FOXO1: variants seen among roughly 807,000 people sequenced by gnomAD.
FOXO1 encodes forkhead box O1.
Under a neutral mutation model 44.1 loss-of-function variants are expected in FOXO1, and 6 were observed. That is an observed-to-expected ratio of 0.14 (90% CI 0.07 to 0.27). The LOEUF (loss-of-function observed/expected upper bound fraction) is 0.27. FOXO1 is among the 10% of genes least tolerant of loss of function. FOXO1 has a pLI of 1.00. For synonymous variants in FOXO1, 380 were observed against 362.7 expected (o/e 1.05, Z -0.54); for missense variants, 737 against 888.8 (o/e 0.83, Z 2.17).
intron 1 of FOXO1, among the ~76,000 whole-genome samples, chr13:40,652,289 C>CTT (rs777152612): frequency 8.2e-5 from 11 of 133,550 alleles, no homozygotes; most frequent in Middle Eastern, 3.8e-3. Context: ...ACTGGTGATT[C>CTT]TTTTTTTTTT....
intron 1 of FOXO1, among the ~76,000 whole-genome samples, chr13:40,653,717 C>G (rs1291912626): frequency 6.6e-6 from 1 of 152,156 alleles, no homozygotes; most frequent in Non-Finnish European, 1.5e-5. Context: ...TTCCTGATGC[C>G]AGGTTCACTT....
chr13:40,663,413 C>T (rs1878098029), intron 1 of FOXO1, among the ~76,000 whole-genome samples: 1 of 152,146 alleles, frequency 6.6e-6, no homozygotes, highest in African/African-American at 2.4e-5. Context: ...AAAACACTTC[C>T]TTTATCTTTA....
At chr13:40,572,582 C>T (rs886503898) in intron 1 of FOXO1, among the ~76,000 whole-genome samples, 6 of 152,200 alleles carry the variant, frequency 3.9e-5, no homozygotes, top group African/African-American at 9.7e-5. Context: ...AATGCAACAA[C>T]GACTCGAGAC....
intron 1 of FOXO1, among the ~76,000 whole-genome samples, chr13:40,593,832 A>C (rs1186698397): frequency 6.6e-6 from 1 of 152,154 alleles, no homozygotes; most frequent in Non-Finnish European, 1.5e-5. Flanking sequence ...ATTGGCTTTC[A>C]AGTGCTCAAC....
intron 1 of FOXO1, among the ~76,000 whole-genome samples, chr13:40,609,481 C>T (rs1044402694): frequency 1.3e-5 from 2 of 152,022 alleles, no homozygotes; most frequent in Admixed American, 6.6e-5. Context: ...ATAGAAAATA[C>T]AGGTTTCAGT....
At chr13:40,641,678 A>T (rs1177643806) in intron 1 of FOXO1, among the ~76,000 whole-genome samples, 1 of 152,140 alleles carries the variant, frequency 6.6e-6, no homozygotes, top group Non-Finnish European at 1.5e-5. Flanking sequence ...TAAGAGTCAC[A>T]GACCTAGGTT....
chr13:40,663,750 A>T (rs1878122850), intron 1 of FOXO1, among the ~76,000 whole-genome samples: 1 of 152,270 alleles, frequency 6.6e-6, no homozygotes, highest in Non-Finnish European at 1.5e-5. Context: ...ATGAAGCGAT[A>T]AGTGATACCT....
intron 1 of FOXO1, among the ~76,000 whole-genome samples, chr13:40,663,531 T>G (rs552404365): frequency 5.9e-5 from 9 of 152,338 alleles, no homozygotes; most frequent in Admixed American, 3.9e-4. Flanking sequence ...GGGAGGATTT[T>G]TTTTTTAAAT....
chr13:40,596,826 G>C (rs917192120), intron 1 of FOXO1, among the ~76,000 whole-genome samples: 3 of 152,176 alleles, frequency 2.0e-5, no homozygotes, highest in African/African-American at 7.2e-5. Context: ...ATACTGAAAA[G>C]AAAGACCGTA....
intron 1 of FOXO1, among the ~76,000 whole-genome samples, chr13:40,604,958 T>C (rs1304534767): frequency 1.3e-5 from 2 of 152,136 alleles, no homozygotes; most frequent in Admixed American, 1.3e-4. Flanking sequence ...TTAAACGCTA[T>C]AGAAACCTGG....
chr13:40,579,744 TCAC>T (rs1378681289), intron 1 of FOXO1, among the ~76,000 whole-genome samples: 2 of 152,140 alleles, frequency 1.3e-5, no homozygotes, highest in African/African-American at 2.4e-5. Flanking sequence ...GTTTCTAGGG[TCAC>T]CACAATAGAG....
chr13:40,633,782 A>T (rs1475245150), intron 1 of FOXO1, among the ~76,000 whole-genome samples: 1 of 152,258 alleles, frequency 6.6e-6, no homozygotes, highest in Non-Finnish European at 1.5e-5. Context: ...ATTATTAAAA[A>T]TAGAATGTAG....
intron 1 of FOXO1, among the ~76,000 whole-genome samples, chr13:40,656,917 G>A (rs1038684949): frequency 2.7e-4 from 40 of 150,834 alleles, no homozygotes; most frequent in African/African-American, 8.8e-4. Context: ...TGTAAGCTCC[G>A]CCTCCTGGAT....
At chr13:40,624,133 A>C (rs1001512703) in intron 1 of FOXO1, among the ~76,000 whole-genome samples, 1 of 151,560 alleles carries the variant, frequency 6.6e-6, no homozygotes, top group African/African-American at 2.4e-5. Context: ...AAAGACTCCT[A>C]ATCTCTGGAG....
chr13:40,559,455 C>T, intron 2 of FOXO1, 54 bp downstream of exon 2: 1 of 1,487,366 alleles, frequency 6.7e-7, no homozygotes, highest in Non-Finnish European at 9.0e-7. Context: ...TACTGTGTTC[C>T]TCGCTTTTAA....
At chr13:40,641,913 G>A (rs1239996916) in intron 1 of FOXO1, among the ~76,000 whole-genome samples, 1 of 152,100 alleles carries the variant, frequency 6.6e-6, no homozygotes, top group Non-Finnish European at 1.5e-5. Flanking sequence ...TTGAACCTAG[G>A]AGGCAGAGGT....
At chr13:40,614,810 C>T (rs987559346) in intron 1 of FOXO1, among the ~76,000 whole-genome samples, 14 of 152,200 alleles carry the variant, frequency 9.2e-5, no homozygotes, top group African/African-American at 2.7e-4. Context: ...TCATCCAGGG[C>T]CCGCTGGATT....
intron 1 of FOXO1, among the ~76,000 whole-genome samples, chr13:40,649,866 TCA>T (rs1877622765): frequency 6.6e-6 from 1 of 152,056 alleles, no homozygotes; most frequent in African/African-American, 2.4e-5. Context: ...AATAAAGCAA[TCA>T]CACCAAAGAA....
At position 40,560,156 on chromosome 13, in the gene FOXO1, A is replaced by G; in HGVS notation, c.1335T>C (p.Asn445=). The G allele has an allele frequency of 6.2e-6, 10 of 1,614,064 alleles. No homozygotes were observed. The South Asian group carries it at 1.1e-4, about 18-fold the overall frequency. Residue 445 remains asparagine (N), a synonymous_variant, in exon 2 of 3, where the codon AAT becomes AAC. Transcript: ENST00000379561. The surrounding 1 kb of genome is among the most constrained non-coding windows in gnomAD (Gnocchi z 5.1). The part of the protein sequence containing the change: ...PQMPIQTLQD[N]KSSYGGMSQY... Reference sequence around the variant, plus strand: ...GACTCATACCTCCATAACTCGACTTATTGTCCTGAAGTGTTTGTATAGGCA... The same window carrying G: ...GACTCATACCTCCATAACTCGACTTGTTGTCCTGAAGTGTTTGTATAGGCA...
Sources: allele counts gnomAD v4.1 joint callset (sites outside exome capture counted in the v4.1 genomes callset), GRCh38; gene constraint gnomAD v4.1.1; non-coding constraint Gnocchi (gnomAD v3.1); transcripts MANE v1.5; gene names NCBI Gene and HGNC (gene_info 2026-07-23, HGNC 2026-07-21).